Variants in ABCG1 observed in about 807,000 individuals in gnomAD.
The protein encoded by ABCG1 is ATP-binding cassette sub-family G member 1.
Under a neutral mutation model 69.2 loss-of-function variants are expected in ABCG1, and 29 were observed. The observed-to-expected ratio is 0.42, with a 90% CI of 0.31 to 0.57. The LOEUF (loss-of-function observed/expected upper bound fraction) is 0.57. Among genes scored for constraint, ABCG1 ranks in the 20% least tolerant of loss-of-function variants. The pLI is 0.15. For missense variants in ABCG1, 718 were observed against 898.1 expected, an observed-to-expected ratio of 0.80 and a Z score of 2.56; for synonymous variants, 370 against 374.8, an observed-to-expected ratio of 0.99 and a Z score of 0.15.
At chr21:42,211,403 T>C (rs2067588355), upstream of ABCG1, among the ~76,000 whole-genome samples, 1 of 152,108 alleles carries the variant, frequency 6.6e-6, no homozygotes, top group Admixed American at 6.5e-5. Context: ...GGCTAAGGCA[T>C]GGTTTTCCTC....
chr21:42,216,945 C>T (rs566392223), upstream of ABCG1, among the ~76,000 whole-genome samples: 3 of 152,318 alleles, frequency 2.0e-5, no homozygotes, highest in South Asian at 4.1e-4. Context: ...ACTGTACAGA[C>T]AGATAAGTGA....
chr21:42,253,272 C>G (rs973118810), intron 2 of ABCG1, among the ~76,000 whole-genome samples: 12 of 152,178 alleles, frequency 7.9e-5, no homozygotes, highest in African/African-American at 2.7e-4. Context: ...CCAACTAAGG[C>G]AGATGCCCAG....
At chr21:42,216,140 C>A (rs764826860), upstream of ABCG1, 14 of 452,118 alleles carry the variant, frequency 3.1e-5, no homozygotes, top group East Asian at 5.6e-4. Context: ...GTGAGACATG[C>A]CTTTCACCTT....
chr21:42,274,955 G>T (rs953815466), intron 4 of ABCG1, among the ~76,000 whole-genome samples: 1 of 152,122 alleles, frequency 6.6e-6, no homozygotes. Flanking sequence ...CTTCCTCCTT[G>T]TTCGCTGCAA....
At chr21:42,229,433 G>A (rs1053466813) in intron 2 of ABCG1, among the ~76,000 whole-genome samples, 1 of 152,186 alleles carries the variant, frequency 6.6e-6, no homozygotes, top group Non-Finnish European at 1.5e-5. Flanking sequence ...AAAGTGCCTG[G>A]TTCTGGCCGG....
intron 2 of ABCG1, among the ~76,000 whole-genome samples, chr21:42,255,779 T>C (rs1020688924): frequency 6.6e-6 from 1 of 152,230 alleles, no homozygotes; most frequent in Non-Finnish European, 1.5e-5. Context: ...TTAGAGGGGA[T>C]GTGGCCCGAC....
chr21:42,246,733 AT>A (rs1316905854), intron 2 of ABCG1, among the ~76,000 whole-genome samples: 1 of 152,228 alleles, frequency 6.6e-6, no homozygotes, highest in African/African-American at 2.4e-5. Context: ...CATTTCATAG[AT>A]TAGAAACCCA....
chr21:42,201,831 GT>G, intron 2 of ABCG1: 1 of 1,583,956 alleles, frequency 6.3e-7, no homozygotes, highest in South Asian at 1.1e-5. Context: ...ATGATTCTTG[GT>G]GTGGGCTGTG....
rs1482527735 is a variant in ABCG1 at position 42,296,416 on chromosome 21, G to A, written c.*24G>A. 1.2e-6 allele frequency: 2 copies of A among 1,601,632 alleles called. No homozygotes were observed. The highest frequency in any genetic ancestry group is 1.7e-5 in the Admixed American group (1 of 59,912). Reference sequence around the variant, plus strand: ...AAAACACCTGAATGCCAGGAAACAGGAAGATTAGACACTGTGGCCGAGGGC... The same window carrying A: ...AAAACACCTGAATGCCAGGAAACAGAAAGATTAGACACTGTGGCCGAGGGC... On this transcript the variant is annotated 3_prime_UTR_variant, in exon 15 of 15. Coordinates refer to ENST00000398449, the MANE Select transcript of ABCG1 (RefSeq NM_016818.3). The surrounding 1 kb of genome is among the most constrained non-coding windows in gnomAD (Gnocchi z 5.4).
intron 14 of ABCG1, chr21:42,295,179 T>G (rs1288309760): frequency 1.3e-5 from 2 of 153,514 alleles, no homozygotes; most frequent in Non-Finnish European, 2.9e-5. Flanking sequence ...AACAATTAGG[T>G]GGGCTTGGTG....
intron 2 of ABCG1, among the ~76,000 whole-genome samples, chr21:42,235,539 A>G (rs569237574): frequency 9.8e-5 from 15 of 152,352 alleles, no homozygotes; most frequent in African/African-American, 3.6e-4. Context: ...GACGTAAGAC[A>G]GTGATCAATA....
chr21:42,296,178 G>T lies in ABCG1; in HGVS notation c.1787G>T (p.Gly596Val), dbSNP rs2069206013. 1.2e-6 allele frequency: 2 copies of T among 1,614,036 alleles called. No homozygotes were observed. The highest frequency in any genetic ancestry group is 1.7e-6 in the Non-Finnish European group (2 of 1,179,988). The part of the protein sequence containing the change: ...YISYVRYGFE[G>V]VILSIYGLDR... Reference sequence around the variant, plus strand: ...TTTCCTCCTAGGTATGGGTTCGAAGGGGTCATCCTCTCCATCTATGGCTTA... The same window carrying T: ...TTTCCTCCTAGGTATGGGTTCGAAGTGGTCATCCTCTCCATCTATGGCTTA... The change falls in exon 15 of 15, where the codon GGG becomes GTG. Residue 596 changes from glycine to valine, a missense_variant. This residue lies in a region of ABCG1 where 204 missense variants were observed against 323.8 expected (regional missense o/e 0.63). Transcript: ENST00000398449. The surrounding 1 kb of genome is among the most constrained non-coding windows in gnomAD (Gnocchi z 5.4).
At position 42,279,904 on chromosome 21, in the gene ABCG1, C is replaced by T. The variant is rs575920000; in HGVS notation, c.589-2370C>T. Among the ~76,000 whole-genome samples the T allele has an allele frequency of 9.8e-5, 15 of 152,340 alleles. No individual in the cohort carries two copies. The East Asian group carries it at 1.7e-3, about 18-fold the overall frequency. ...GATGGCACCCATAGGTGTGTGTCCTCGTGGTGCCTGGGCCCTGCCTAAGAC... is the reference window on the plus strand; with the variant it reads ...GATGGCACCCATAGGTGTGTGTCCTTGTGGTGCCTGGGCCCTGCCTAAGAC... On this transcript the variant is annotated intron_variant, in intron 5 of 14. Transcript: ENST00000398449.
chr21:42,289,233 C>T (rs558560341), intron 10 of ABCG1, among the ~76,000 whole-genome samples: 107 of 152,266 alleles, frequency 7.0e-4, no homozygotes, highest in Non-Finnish European at 1.1e-3. Flanking sequence ...GGGGTGGCAA[C>T]GGTGGGTTGT....
chr21:42,200,763 A>G (rs1053189366), intron 1 of ABCG1, among the ~76,000 whole-genome samples: 4 of 151,508 alleles, frequency 2.6e-5, no homozygotes, highest in Non-Finnish European at 4.4e-5. Context: ...TATCTTTTGT[A>G]TTTTTAGTAG....
At chr21:42,267,512 G>A (rs1020570637) in intron 2 of ABCG1, among the ~76,000 whole-genome samples, 1 of 151,136 alleles carries the variant, frequency 6.6e-6, no homozygotes, top group African/African-American at 2.4e-5. Flanking sequence ...TGTGGTCTGA[G>A]TTCTGTCTGG....
At position 42,271,143 on chromosome 21, in the gene ABCG1, C is replaced by T. The variant is rs754273263; in HGVS notation, c.360C>T (p.Ser120=). ...AGTTGGTGGCCATTATGGGTCCTTC[C>T]GGGGCCGGGAAGTCCACGCTGATGA... is the stretch of plus-strand genomic sequence containing the variant. ...SGELVAIMGP[S]GAGKSTLMNI... is the part of the protein sequence containing the mutation. Residue 120 remains serine (S), a synonymous_variant, in exon 3 of 15, where the codon TCC becomes TCT. Coordinates refer to ENST00000398449, the MANE Select transcript of ABCG1 (RefSeq NM_016818.3). 1.3e-5 allele frequency: 21 copies of T among 1,580,702 alleles called. No homozygotes were observed. Among genetic ancestry groups the T allele is most frequent in the East Asian group, 2.4e-5 (1 of 41,478 alleles).
In ABCG1 at chr21:42,241,223, C is replaced by T. The variant is rs575425651; in HGVS notation, c.286+15309C>T. ...CCACCAGCTTTCAGCATCCATTTAT[C>T]GTAAAAGCCAAGTGCACAGTGGAGA... On this transcript the variant is annotated intron_variant, in intron 2 of 14. Transcript: ENST00000398449. Among the ~76,000 whole-genome samples, 12 of 152,340 alleles carry T rather than the reference C, an allele frequency of 7.9e-5. 1 individual carries two copies. The highest frequency in any genetic ancestry group is 7.2e-4 in the Admixed American group (11 of 15,302).
intron 4 of ABCG1, among the ~76,000 whole-genome samples, chr21:42,275,650 T>G (rs937147231): frequency 2.6e-5 from 4 of 152,228 alleles, no homozygotes; most frequent in African/African-American, 4.8e-5. Context: ...CAGATGCGAC[T>G]AGGGACTCCT....
Sources: gnomAD v4.1 joint callset for allele counts (sites outside exome capture counted in the v4.1 genomes callset) on GRCh38, gnomAD v4.1.1 for gene constraint, gnomAD v4.1.1 regional missense constraint, Gnocchi (gnomAD v3.1) non-coding constraint, MANE v1.5 for transcripts, NCBI Gene and HGNC (gene_info 2026-07-23, HGNC 2026-07-21) for gene names.